TNFSF14: variants seen among roughly 807,000 people sequenced by gnomAD.
TNFSF14 encodes TNF superfamily member 14.
In TNFSF14, 15 loss-of-function variants were observed where a neutral mutation model predicts 22.7. The ratio of observed to expected loss-of-function variants is 0.66; its 90% CI spans 0.44 to 1.02. TNFSF14 has a LOEUF of 1.02. Ranked by LOEUF, TNFSF14 falls within the 50% of genes least tolerant of loss-of-function variation. The pLI, the probability that TNFSF14 is intolerant of heterozygous loss-of-function variation, is 0.00. For missense variants in TNFSF14, 287 were observed against 326.2 expected, an observed-to-expected ratio of 0.88 and a Z score of 0.93; for synonymous variants, 133 against 139.6, an observed-to-expected ratio of 0.95 and a Z score of 0.33.
Position 6,666,648 on chromosome 19 carries a change from C to T in TNFSF14, c.298+465G>A, listed in dbSNP as rs534080737. Among the ~76,000 whole-genome samples the T allele has an allele frequency of 9.1e-4, 139 of 152,310 alleles. 5 individuals are homozygous for T. In the South Asian group the frequency reaches 0.028, roughly 31 times the overall value. On this transcript the variant is annotated intron_variant, in intron 3 of 3. Transcript: ENST00000675206. Reference sequence around the variant, plus strand: ...CGGTGGCTCACGCCTGTAATCCCAGCACTTTGGGAGGCCAAGGCGGGAGGA... The same window carrying T: ...CGGTGGCTCACGCCTGTAATCCCAGTACTTTGGGAGGCCAAGGCGGGAGGA...
chr19:6,670,310 T>C, upstream of TNFSF14: 2 of 1,338,686 alleles, frequency 1.5e-6, no homozygotes, highest in Non-Finnish European at 9.6e-7. Flanking sequence ...TCCAGAGGCT[T>C]CTGAAAATGT....
chr19:6,665,094 T>G lies in TNFSF14; in HGVS notation c.555A>C (p.Ser185=). 6.2e-7 allele frequency: 1 copy of G among 1,613,964 alleles called. No homozygotes were observed. Among genetic ancestry groups the G allele is most frequent in the Non-Finnish European group, 8.5e-7 (1 of 1,179,918 alleles). ...AGCTGCTGGTGGCCCGTCCGCAGGG[T>G]GACTGCTGGCTGACCAACAGCTCCA... is the stretch of plus-strand genomic sequence containing the variant. The part of the protein sequence containing the change: ...EELELLVSQQ[S]PCGRATSSSR... The change falls in exon 4 of 4, where the codon TCA becomes TCC. Residue 185 remains serine, a synonymous_variant. Transcript: ENST00000675206.
chr19:6,665,705 G>A (rs753497211), intron 3 of TNFSF14, among the ~76,000 whole-genome samples: 3 of 151,818 alleles, frequency 2.0e-5, no homozygotes, highest in East Asian at 1.9e-4. Flanking sequence ...CACCACGCCC[G>A]GCCTCACATG....
Position 6,665,264 on chromosome 19 carries a change from G to C in TNFSF14, c.385C>G (p.His129Asp). The C allele has an allele frequency of 6.2e-7, 1 of 1,613,776 alleles. No homozygotes were observed. The highest frequency in any genetic ancestry group is 8.5e-7 in the Non-Finnish European group (1 of 1,179,972). ...TTGGTGACCACAAGGGCCCCATCGT[G>C]GTAGCTGAGGCCCCTCAGGAAGGCC... ...GLAFLRGLSY[H>D]DGALVVTKAG... The change falls in exon 4 of 4, where the codon CAC (histidine) becomes GAC (aspartate). Residue 129 changes from histidine (H) to aspartate (D), a missense_variant. His to Asp is a moderately conservative substitution (Grantham distance 81). Coordinates refer to ENST00000675206, the MANE Select transcript of TNFSF14 (RefSeq NM_001376887.1).
At chr19:6,670,399 C>T (rs553800965), upstream of TNFSF14, 11 of 596,532 alleles carry the variant, frequency 1.8e-5, no homozygotes, top group African/African-American at 7.5e-5. Context: ...CACCAAATAT[C>T]GACTGAGGAC....
Position 6,669,465 on chromosome 19 carries a change from G to A in TNFSF14, c.219+386C>T, listed in dbSNP as rs567541172. On this transcript the variant is annotated intron_variant, in intron 1 of 3. Coordinates refer to ENST00000675206, the MANE Select transcript of TNFSF14 (RefSeq NM_001376887.1). ...GCCATTGCACTCCAGCCTGGGCAACGAGAGTGAAACTCCGTCTCAAAAATA... is the reference window on the plus strand; with the variant it reads ...GCCATTGCACTCCAGCCTGGGCAACAAGAGTGAAACTCCGTCTCAAAAATA... Among the ~76,000 whole-genome samples the A allele has an allele frequency of 4.6e-4, 70 of 152,140 alleles. No homozygotes were observed. The East Asian group carries it at 8.3e-3, about 18-fold the overall frequency.
At position 6,664,667 on chromosome 19, in the gene TNFSF14, A is replaced by G. The variant is rs1917349893; in HGVS notation, c.*259T>C. 3.0e-6 allele frequency: 1 copy of G among 335,834 alleles called. No individual in the cohort carries two copies. The highest frequency in any genetic ancestry group is 2.1e-5 in the African/African-American group (1 of 48,074). The allele number at this position is 335,834 out of a possible 1,614,324, so 20.8% of individuals were successfully genotyped here. A position where few individuals can be genotyped will look rare whatever the true frequency, so the allele number is the denominator to read the frequency against. ...AAAATTATCCTGCCTCAGCCTCCTG[A>G]GTAGCTGGATTACAGGCAGGCACCA... On this transcript the variant is annotated 3_prime_UTR_variant, in exon 4 of 4. Coordinates refer to ENST00000675206, the MANE Select transcript of TNFSF14 (RefSeq NM_001376887.1). This position sits in a 1 kb window ranked among gnomAD's most constrained non-coding sequence, Gnocchi z 4.7.
intron 3 of TNFSF14, among the ~76,000 whole-genome samples, chr19:6,665,801 G>T (rs942358231): frequency 6.6e-6 from 1 of 151,530 alleles, no homozygotes; most frequent in Non-Finnish European, 1.5e-5. Context: ...GTGTGTGTGT[G>T]TGTGTGTGTG....
At chr19:6,666,562 C>T (rs1483615959) in intron 3 of TNFSF14, among the ~76,000 whole-genome samples, 1 of 152,174 alleles carries the variant, frequency 6.6e-6, no homozygotes, top group Non-Finnish European at 1.5e-5. Flanking sequence ...CGTGTCACAG[C>T]ACATAACACA....
chr19:6,665,797 G>T (rs1005149518), intron 3 of TNFSF14, among the ~76,000 whole-genome samples: 7 of 149,810 alleles, frequency 4.7e-5, no homozygotes, highest in Non-Finnish European at 9.0e-5. Context: ...GTGTGTGTGT[G>T]TGTGTGTGTG....
rs190344627 is a variant in TNFSF14, at chr19:6,664,773, C to A, written c.*153G>T. The A allele has an allele frequency of 1.1e-6, 1 of 927,616 alleles. No individual in the cohort carries two copies. The highest frequency in any genetic ancestry group is 2.5e-5 in the East Asian group (1 of 40,424). 57.5% of individuals were successfully genotyped at this position (927,616 alleles called of 1,614,324 possible). On this transcript the variant is annotated 3_prime_UTR_variant, in exon 4 of 4. Coordinates refer to ENST00000675206, the MANE Select transcript of TNFSF14 (RefSeq NM_001376887.1). This position sits in a 1 kb window ranked among gnomAD's most constrained non-coding sequence, Gnocchi z 4.7. ...CAGGCTGGTCTCGAACTCCTGACCT[C>A]AGGTGATCCGCCTGCCTTGGCCTCC... is the stretch of plus-strand genomic sequence containing the variant.
At position 6,664,888 on chromosome 19, in the gene TNFSF14, C is replaced by T. The variant is rs183195549; in HGVS notation, c.*38G>A. The T allele has an allele frequency of 3.6e-5, 56 of 1,539,302 alleles. No individual in the cohort carries two copies. The Admixed American group carries it at 4.8e-4, about 13-fold the overall frequency. Reference sequence around the variant, plus strand: ...CCTGAGGCACCCTCTGAGTTCTCCACGTGTCAGACCCATGTCCAATGCACC... The same window carrying T: ...CCTGAGGCACCCTCTGAGTTCTCCATGTGTCAGACCCATGTCCAATGCACC... On this transcript the variant is annotated 3_prime_UTR_variant, in exon 4 of 4. Coordinates refer to ENST00000675206, the MANE Select transcript of TNFSF14 (RefSeq NM_001376887.1). This position sits in a 1 kb window ranked among gnomAD's most constrained non-coding sequence, Gnocchi z 4.7.
In TNFSF14 at chr19:6,664,785, C is replaced by T; in HGVS notation, c.*141G>A. 9.3e-7 allele frequency: 1 copy of T among 1,079,128 alleles called. No individual in the cohort carries two copies. Among genetic ancestry groups the T allele is most frequent in the South Asian group, 1.7e-5 (1 of 59,566 alleles). The allele number at this position is 1,079,128 out of a possible 1,614,324, so 66.8% of individuals were successfully genotyped here. On this transcript the variant is annotated 3_prime_UTR_variant, in exon 4 of 4. Transcript: ENST00000675206. This position sits in a 1 kb window ranked among gnomAD's most constrained non-coding sequence, Gnocchi z 4.7. ...GAACTCCTGACCTCAGGTGATCCGC[C>T]TGCCTTGGCCTCCCAAAGTGCTGGG... is the stretch of plus-strand genomic sequence containing the variant.
intron 3 of TNFSF14, among the ~76,000 whole-genome samples, chr19:6,666,802 G>A (rs1328953303): frequency 6.6e-6 from 1 of 152,090 alleles, no homozygotes; most frequent in African/African-American, 2.4e-5. Context: ...GGAGGCTGAG[G>A]CAGAAGAATC....
rs780929265 is a variant in TNFSF14, at chr19:6,670,119, G to C, written c.-50C>G. On this transcript the variant is annotated 5_prime_UTR_variant, in exon 1 of 4. Coordinates refer to ENST00000675206, the MANE Select transcript of TNFSF14 (RefSeq NM_001376887.1). ...GACACGCCTGGGTCCTTCAACCTCA[G>C]AGGAAACCGAAATTGCTCAACACTC... The C allele has an allele frequency of 3.8e-6, 6 of 1,599,166 alleles. No individual in the cohort carries two copies. Among genetic ancestry groups the C allele is most frequent in the Non-Finnish European group, 5.1e-6 (6 of 1,168,394 alleles).
At position 6,667,104 on chromosome 19, in the gene TNFSF14, C is replaced by A. The variant is rs1917451482; in HGVS notation, c.298+9G>T. On this transcript the variant is annotated intron_variant, in intron 3 of 3. Transcript: ENST00000675206. ...CCTGCCCCTTGCCAGGATCCAGGGT[C>A]CCTCTCACCTGTGAGATGCGCTGCT... The A allele has an allele frequency of 4.4e-6, 7 of 1,608,576 alleles. No individual in the cohort carries two copies. Among genetic ancestry groups the A allele is most frequent in the South Asian group, 2.2e-5 (2 of 90,342 alleles).
intron 3 of TNFSF14, among the ~76,000 whole-genome samples, chr19:6,665,757 CTGTT>C (rs1377688796): frequency 6.7e-6 from 1 of 150,098 alleles, no homozygotes; most frequent in East Asian, 2.0e-4. Context: ...CACCACTAGG[CTGTT>C]TGTGTGTGTG....
Position 6,670,137 on chromosome 19 carries a change from C to T in TNFSF14, c.-68G>A. ...AACCTCAGAGGAAACCGAAATTGCT[C>T]AACACTCCTGGGCTGTGCACGCTGC... On this transcript the variant is annotated 5_prime_UTR_variant, in exon 1 of 4. Coordinates refer to ENST00000675206, the MANE Select transcript of TNFSF14 (RefSeq NM_001376887.1). 6.3e-7 allele frequency: 1 copy of T among 1,587,738 alleles called. No homozygotes were observed. Among genetic ancestry groups the T allele is most frequent in the South Asian group, 1.1e-5 (1 of 88,950 alleles).
At position 6,665,230 on chromosome 19, in the gene TNFSF14, T is replaced by A. The variant is rs767546098; in HGVS notation, c.419A>T (p.Tyr140Phe). The stretch of plus-strand genomic sequence containing the variant: ...CTGCACCTTGGAGTAGATGTAGTAG[T>A]AGCCAGCTTTGGTGACCACAAGGGC... ...DGALVVTKAG[Y>F]YYIYSKVQLG... The change falls in exon 4 of 4, where the codon TAC becomes TTC. Residue 140 changes from tyrosine to phenylalanine, a missense_variant. By Grantham distance (22) the Tyr-to-Phe change is conservative. Transcript: ENST00000675206. 2 of 1,614,142 alleles carry A rather than the reference T, an allele frequency of 1.2e-6. No homozygotes were observed.
Sources: gnomAD v4.1 joint callset for allele counts (sites outside exome capture counted in the v4.1 genomes callset) on GRCh38, gnomAD v4.1.1 for gene constraint, Gnocchi (gnomAD v3.1) non-coding constraint, MANE v1.5 for transcripts, NCBI Gene and HGNC (gene_info 2026-07-23, HGNC 2026-07-21) for gene names.